Variants in FASN observed in about 807,000 individuals in gnomAD.
FASN encodes 3-hydroxyacyl-[acyl-carrier-protein] dehydratase.
In FASN, 50 loss-of-function variants were observed where a neutral mutation model predicts 250.0. The observed-to-expected ratio is 0.20, with a 90% confidence interval of 0.16 to 0.25. The LOEUF (loss-of-function observed/expected upper bound fraction) is 0.25. Ranked by LOEUF, FASN falls within the 10% of genes least tolerant of loss-of-function variation. The pLI, the probability that FASN is intolerant of heterozygous loss-of-function variation, is 1.00. For missense variants in FASN, 3,031 were observed against 3,498.5 expected, an observed-to-expected ratio of 0.87 and a Z score of 3.37; for synonymous variants, 1,909 against 1,584.0, an observed-to-expected ratio of 1.21 and a Z score of -4.87.
chr17:82,082,877 G>A (rs1415289466), intron 33 of FASN, 37 bp downstream of exon 33: 2 of 1,609,130 alleles, frequency 1.2e-6, no homozygotes, highest in Non-Finnish European at 1.7e-6. Context: ...GGCTGTGCCT[G>A]GCCCAGGCTG....
At chr17:82,094,514 G>C (rs1242196673) in intron 3 of FASN, among the ~76,000 whole-genome samples, 1 of 152,110 alleles carries the variant, frequency 6.6e-6, no homozygotes, top group Non-Finnish European at 1.5e-5. Context: ...GGCATGGCTG[G>C]GCGTGGTGGC....
rs4485435 is a variant in FASN at position 82,087,210 on chromosome 17, G to A, written c.3267C>T (p.Ala1089=). The A allele has an allele frequency of 4.8e-5, 77 of 1,605,768 alleles. No individual in the cohort carries two copies. The highest frequency in any genetic ancestry group is 6.3e-5 in the Non-Finnish European group (74 of 1,177,632). The change falls in exon 21 of 43, where the codon GCC becomes GCT. Residue 1089 remains alanine, a synonymous_variant. Coordinates refer to ENST00000306749, the MANE Select transcript of FASN (RefSeq NM_004104.5). ...VVSRWLRVTV[A]GGVHISGLHT... is the part of the protein sequence containing the mutation. ...GGAGCCCGGAGATGTGGACGCCTCCGGCCACTGTGACCCTCAGCCACCTGC... is the reference window on the plus strand; with the variant it reads ...GGAGCCCGGAGATGTGGACGCCTCCAGCCACTGTGACCCTCAGCCACCTGC...
In FASN at chr17:82,083,391, G is replaced by A. The variant is rs767744253; in HGVS notation, c.5376C>T (p.His1792=). The A allele has an allele frequency of 9.9e-6, 16 of 1,612,786 alleles. No individual in the cohort carries two copies. Among genetic ancestry groups the A allele is most frequent in the South Asian group, 2.2e-5 (2 of 91,092 alleles). ...MAIFLKNVTF[H]GVLLDAFFNE... Reference sequence around the variant, plus strand: ...TGAAGAACGCATCCAGTAGGACCCCGTGGAATGTCACGTTCTTCAGGAAGA... The same window carrying A: ...TGAAGAACGCATCCAGTAGGACCCCATGGAATGTCACGTTCTTCAGGAAGA... Residue 1792 remains histidine, a synonymous_variant, in exon 32 of 43, where the codon CAC becomes CAT. Transcript: ENST00000306749.
chr17:82,084,204 G>A, intron 28 of FASN, 30 bp downstream of exon 28: 1 of 1,610,250 alleles, frequency 6.2e-7, no homozygotes, highest in Non-Finnish European at 8.5e-7. Context: ...ATCCACGTGG[G>A]GCCCAGGCTC....
At chr17:82,082,483 T>G in intron 34 of FASN, 44 bp downstream of exon 34, 1 of 1,610,974 alleles carries the variant, frequency 6.2e-7, no homozygotes, top group Non-Finnish European at 8.5e-7. Context: ...GTCCCCCCCT[T>G]GGTCTTGGGG....
In FASN at chr17:82,089,178, T is replaced by G. The variant is rs761663329; in HGVS notation, c.2101-6A>C. Reference sequence around the variant, plus strand: ...GGCTTCGGCTCCCGGATCACCTGCATGAGGGGCCAGGTCAGTGCTGGGTTG... The same window carrying G: ...GGCTTCGGCTCCCGGATCACCTGCAGGAGGGGCCAGGTCAGTGCTGGGTTG... On this transcript the variant is annotated splice_region_variant and splice_polypyrimidine_tract_variant and intron_variant, in intron 13 of 42. Coordinates refer to ENST00000306749, the MANE Select transcript of FASN (RefSeq NM_004104.5). 6.3e-6 allele frequency: 10 copies of G among 1,587,874 alleles called. No homozygotes were observed. Among genetic ancestry groups the G allele is most frequent in the African/African-American group, 2.7e-5 (2 of 73,994 alleles).
chr17:82,086,960 C>T (rs937812196), intron 21 of FASN, 90 bp downstream of exon 21: 100 of 1,476,466 alleles, frequency 6.8e-5, no homozygotes, highest in Non-Finnish European at 8.5e-5. Flanking sequence ...AAGGGGGCCC[C>T]GTGGAGAAGC....
intron 33 of FASN, 23 bp from the exon 34 acceptor site, chr17:82,082,701 C>A: frequency 2.5e-6 from 4 of 1,605,102 alleles, no homozygotes; most frequent in Non-Finnish European, 3.4e-6. Flanking sequence ...GGACTGTGGG[C>A]TGGACTGGGC....
rs751224243 is a variant in FASN, at chr17:82,085,734, G to C, written c.3870C>G (p.His1290Gln). ...LEAAQAELQQ[H>Q]DVAQGQWDPA... is the part of the protein sequence containing the mutation. ...GATCCCACTGGCCCTGGGCAACGTC[G>C]TGCTGCTGCAGCTCGGCCTGGGCAG... The change falls in exon 23 of 43, where the codon CAC (histidine) becomes CAG (glutamine). Residue 1290 changes from histidine to glutamine, a missense_variant. His to Gln is a conservative substitution (Grantham distance 24). Coordinates refer to ENST00000306749, the MANE Select transcript of FASN (RefSeq NM_004104.5). The C allele has an allele frequency of 6.4e-7, 1 of 1,565,728 alleles. No individual in the cohort carries two copies. The highest frequency in any genetic ancestry group is 2.4e-5 in the East Asian group (1 of 41,946).
At chr17:82,094,094 C>A (rs984640115) in intron 3 of FASN, 4 of 460,972 alleles carry the variant, frequency 8.7e-6, no homozygotes, top group Non-Finnish European at 1.6e-5. Context: ...GGACAGAGGG[C>A]AGCATTGTCC....
In FASN at chr17:82,093,707, C is replaced by G. The variant is rs201175454; in HGVS notation, c.345G>C (p.Glu115Asp). 5 of 1,612,758 alleles carry G rather than the reference C, an allele frequency of 3.1e-6. No individual in the cohort carries two copies. Among genetic ancestry groups the G allele is most frequent in the Non-Finnish European group, 4.2e-6 (5 of 1,179,984 alleles). The part of the protein sequence containing the change: ...TGVWVGVSGS[E>D]TSEALSRDPE... The stretch of plus-strand genomic sequence containing the variant: ...GGTCTCGGCTCAGGGCCTCCGAGGT[C>G]TCAGAGCCGCTCACGCCCACCCAGA... The change falls in exon 4 of 43, where the codon GAG (glutamate) becomes GAC (aspartate). Residue 115 changes from glutamate to aspartate, a missense_variant. By Grantham distance (45) the Glu-to-Asp change is conservative. Transcript: ENST00000306749.
At chr17:82,084,772 A>T (rs774895564) in intron 26 of FASN, 27 bp downstream of exon 26, 55 of 1,549,910 alleles carry the variant, frequency 3.5e-5, no homozygotes, top group Admixed American at 2.5e-4. Context: ...GTCTCCCGGG[A>T]GGGGCAGGGC....
rs140748143 is a variant in FASN at position 82,092,767 on chromosome 17, G to C, written c.824C>G (p.Ser275Trp). ...SGDIQEQLIR[S>W]LYQSAGVAPE... ...GGCCACTCCGGCCGACTGGTACAAC[G>C]AGCGGATGAGCTGCTCCTGGATATC... The change falls in exon 7 of 43, where the codon TCG (serine) becomes TGG (tryptophan). Residue 275 changes from serine to tryptophan, a missense_variant. Coordinates refer to ENST00000306749, the MANE Select transcript of FASN (RefSeq NM_004104.5). 3 of 1,605,536 alleles carry C rather than the reference G, an allele frequency of 1.9e-6. No homozygotes were observed. The highest frequency in any genetic ancestry group is 1.7e-6 in the Non-Finnish European group (2 of 1,177,566).
rs769486658 is a variant in FASN, at chr17:82,080,821, G to A, written c.6697C>T (p.Arg2233Trp). 5 of 1,609,338 alleles carry A rather than the reference G, an allele frequency of 3.1e-6. No homozygotes were observed. Among genetic ancestry groups the A allele is most frequent in the Admixed American group, 1.7e-5 (1 of 59,480 alleles). The change falls in exon 39 of 43, where the codon CGG (arginine) becomes TGG (tryptophan). Residue 2233 changes from arginine to tryptophan, a missense_variant. Arg to Trp is a moderately radical substitution (Grantham distance 101). Coordinates refer to ENST00000306749, the MANE Select transcript of FASN (RefSeq NM_004104.5). ...LVNPEGPTLM[R>W]LNSVQSSERP... ...TCCGAGCTCTGCACGGAGTTGAGCC[G>A]CATCAGGGTGGGGCCCTCCGGGTTC...
At position 82,081,817 on chromosome 17, in the gene FASN, C is replaced by T. The variant is rs371437619; in HGVS notation, c.6190G>A (p.Gly2064Ser). Residue 2064 changes from glycine to serine, a missense_variant, in exon 37 of 43, where the codon GGC (glycine) becomes AGC (serine). Transcript: ENST00000306749. ...GTCTCCACCAAAATGCCCACGTCGC[C>T]GATGGCGCCCCACTGCACGGCCAGG... ...PGLAVQWGAI[G>S]DVGILVETMS... is the part of the protein sequence containing the mutation. The T allele has an allele frequency of 2.0e-5, 33 of 1,610,170 alleles. No individual in the cohort carries two copies. The highest frequency in any genetic ancestry group is 4.0e-5 in the African/African-American group (3 of 74,754).
Position 82,091,030 on chromosome 17 carries a change from A to G in FASN, c.1532T>C (p.Met511Thr). 6.2e-7 allele frequency: 1 copy of G among 1,612,686 alleles called. No homozygotes were observed. The highest frequency in any genetic ancestry group is 1.1e-5 in the South Asian group (1 of 91,084). ...GGAATCTCGGAAGCGGTCCAGGCGC[A>G]TGAGGCTCAGCCCCATCCCGCGCCA... The part of the protein sequence containing the change: ...TQWRGMGLSL[M>T]RLDRFRDSIL... The change falls in exon 10 of 43, where the codon ATG becomes ACG. Residue 511 changes from methionine (M) to threonine (T), a missense_variant. By Grantham distance (81) the Met-to-Thr change is moderately conservative. Transcript: ENST00000306749.
chr17:82,094,000 G>A, intron 3 of FASN: 1 of 608,666 alleles, frequency 1.6e-6, no homozygotes, highest in South Asian at 1.9e-5. Context: ...CCTGGAACAG[G>A]AACCAGGTCA....
In FASN at chr17:82,085,276, C is replaced by G; in HGVS notation, c.4249G>C (p.Val1417Leu). Residue 1417 changes from valine to leucine, a missense_variant, in exon 24 of 43, where the codon GTG becomes CTG. Val to Leu is a conservative substitution (Grantham distance 32). Transcript: ENST00000306749. Reference sequence around the variant, plus strand: ...ACCCAGCGGAAGCTGGTATCGTCCACCGGCAGGAAGATGGGGCTGTCCTGC... The same window carrying G: ...ACCCAGCGGAAGCTGGTATCGTCCAGCGGCAGGAAGATGGGGCTGTCCTGC... ...TPQDSPIFLP[V>L]DDTSFRWVES... 1 of 1,611,614 alleles carries G rather than the reference C, an allele frequency of 6.2e-7. No homozygotes were observed. Among genetic ancestry groups the G allele is most frequent in the Non-Finnish European group, 8.5e-7 (1 of 1,179,486 alleles).
chr17:82,088,235 G>C lies in FASN; in HGVS notation c.2666C>G (p.Thr889Ser). 1.2e-6 allele frequency: 2 copies of C among 1,610,128 alleles called. No homozygotes were observed. The highest frequency in any genetic ancestry group is 2.2e-5 in the East Asian group (1 of 44,884). Residue 889 changes from threonine (T) to serine (S), a missense_variant, in exon 17 of 43, where the codon ACT (threonine) becomes AGT (serine). Physicochemically the swap from Thr to Ser is moderately conservative, Grantham distance 58. Transcript: ENST00000306749. Reference protein sequence around the residue: ...TLDGRVLFPATGYLSIVWKTL... With the variant: ...TLDGRVLFPASGYLSIVWKTL... ...CTTCCACACTATGCTCAGGTAGCCA[G>C]TGGCGGGGAAGAGGACGCGACCGTC...
Sources: allele counts gnomAD v4.1 joint callset (sites outside exome capture counted in the v4.1 genomes callset), GRCh38; gene constraint gnomAD v4.1.1; transcripts MANE v1.5; gene names NCBI Gene and HGNC (gene_info 2026-07-23, HGNC 2026-07-21).